The following ATXN10 variants were observed in gnomAD, a reference collection of about 807,000 sequenced individuals.
The protein encoded by ATXN10 is ataxin-10.
In ATXN10, 28 loss-of-function variants were observed where a neutral mutation model predicts 52.9. The observed-to-expected ratio is 0.53, with a 90% CI of 0.39 to 0.73. ATXN10 has a LOEUF of 0.73. Among genes scored for constraint, ATXN10 ranks in the 30% least tolerant of loss-of-function variants. The probability of loss-of-function intolerance (pLI) is 0.00; values close to 1 mark genes in which losing one functional copy is unlikely to be tolerated. For missense variants in ATXN10, 565 were observed against 577.0 expected (o/e 0.98, Z 0.21); for synonymous variants, 226 against 221.5 (o/e 1.02, Z -0.18).
In ATXN10 at chr22:45,844,449, A is replaced by G. The variant is rs1929445707; in HGVS notation, c.*778A>G. 6.6e-6 allele frequency: 1 copy of G among 152,156 alleles called. No individual in the cohort carries two copies. Among genetic ancestry groups the G allele is most frequent in the African/African-American group, 2.4e-5 (1 of 41,420 alleles). 9.4% of individuals were successfully genotyped at this position (152,156 alleles called of 1,614,324 possible). On this transcript the variant is annotated 3_prime_UTR_variant, in exon 12 of 12. Transcript: ENST00000252934. ...GTGCAGTGCCGTAGATTAAAGGTAC[A>G]TTTCTATCTTCTTTGATTTAAAAAG... is the stretch of plus-strand genomic sequence containing the variant.
intron 1 of ATXN10, among the ~76,000 whole-genome samples, chr22:45,686,327 A>G (rs940643365): frequency 6.6e-6 from 1 of 152,234 alleles, no homozygotes; most frequent in Non-Finnish European, 1.5e-5. Context: ...TCTGGGCCCT[A>G]GAGATACAGA....
At chr22:45,719,286 T>G (rs745695503) in intron 6 of ATXN10, among the ~76,000 whole-genome samples, 14 of 152,164 alleles carry the variant, frequency 9.2e-5, no homozygotes, top group Non-Finnish European at 2.1e-4. Context: ...AGTCACGAGT[T>G]TTAGTGGTTT....
rs1392292285 is a variant in ATXN10 at position 45,784,838 on chromosome 22, C to T, written c.1174-22121C>T. Among the ~76,000 whole-genome samples the T allele has an allele frequency of 6.6e-6, 1 of 152,132 alleles. No homozygotes were observed. Among genetic ancestry groups the T allele is most frequent in the East Asian group, 1.9e-4 (1 of 5,196 alleles). ...GCAAGCTGATCAACAGTTTCCAGGG[C>T]ATTATTTATTGATGGCAAGGAGCTT... On this transcript the variant is annotated intron_variant, in intron 9 of 11. Coordinates refer to ENST00000252934, the MANE Select transcript of ATXN10 (RefSeq NM_013236.4). This position sits in a 1 kb window ranked among gnomAD's most constrained non-coding sequence, Gnocchi z 4.2.
intron 3 of ATXN10, among the ~76,000 whole-genome samples, chr22:45,695,342 T>C (rs1923563597): frequency 1.3e-5 from 2 of 150,478 alleles, no homozygotes; most frequent in Admixed American, 1.3e-4. Flanking sequence ...AAAAAAAAAA[T>C]TGTCATTGTA....
intron 9 of ATXN10, among the ~76,000 whole-genome samples, chr22:45,785,735 TCTGTGGA>T (rs1927301617): frequency 6.6e-6 from 1 of 152,194 alleles, no homozygotes; most frequent in Non-Finnish European, 1.5e-5. Context: ...TACCTCTTGT[TCTGTGGA>T]AGTCTGAGGA....
Position 45,683,701 on chromosome 22 carries a change from A to G in ATXN10, c.117-6011A>G, listed in dbSNP as rs1457696091. ...ATTTTGTCTTCCATGTAATTCCTAA[A>G]TCCACCTGGAGTTACTTTTTGGGTA... On this transcript the variant is annotated intron_variant, in intron 1 of 11. Coordinates refer to ENST00000252934, the MANE Select transcript of ATXN10 (RefSeq NM_013236.4). This position sits in a 1 kb window ranked among gnomAD's most constrained non-coding sequence, Gnocchi z 4.8. Among the ~76,000 whole-genome samples the G allele has an allele frequency of 1.3e-5, 2 of 152,152 alleles. No individual in the cohort carries two copies. The highest frequency in any genetic ancestry group is 1.3e-4 in the Admixed American group (2 of 15,272).
chr22:45,782,801 G>A (rs1196852587), intron 9 of ATXN10, among the ~76,000 whole-genome samples: 1 of 152,154 alleles, frequency 6.6e-6, no homozygotes, highest in Non-Finnish European at 1.5e-5. Flanking sequence ...TCTTATCCAT[G>A]GGGGATATGT....
rs1018284540 is a variant in ATXN10, at chr22:45,727,832, T to C, written c.729-1593T>C. On this transcript the variant is annotated intron_variant, in intron 6 of 11. Transcript: ENST00000252934. This position sits in a 1 kb window ranked among gnomAD's most constrained non-coding sequence, Gnocchi z 4.6. ...TGTTGGATCGATCCTTTTATCATCA[T>C]ATAATGACCTTCTTTGTCTTTTTTT... is the stretch of plus-strand genomic sequence containing the variant. Among the ~76,000 whole-genome samples, 5 of 152,188 alleles carry C rather than the reference T, an allele frequency of 3.3e-5. No individual in the cohort carries two copies. Among genetic ancestry groups the C allele is most frequent in the Admixed American group, 2.6e-4 (4 of 15,284 alleles).
Position 45,819,746 on chromosome 22 carries a change from T to C in ATXN10, c.1237+12724T>C, listed in dbSNP as rs1363266430. On this transcript the variant is annotated intron_variant, in intron 10 of 11. Transcript: ENST00000252934. This position sits in a 1 kb window ranked among gnomAD's most constrained non-coding sequence, Gnocchi z 4.5. ...TGTATGTATTTTCTTATGAAGTTAA[T>C]TATTTGCCAATTTTTCTTTTTGCAT... Among the ~76,000 whole-genome samples the C allele has an allele frequency of 1.3e-5, 2 of 152,240 alleles. No individual in the cohort carries two copies. Among genetic ancestry groups the C allele is most frequent in the Non-Finnish European group, 1.5e-5 (1 of 68,044 alleles).
At chr22:45,695,349 T>C (rs1923564074) in intron 3 of ATXN10, among the ~76,000 whole-genome samples, 1 of 151,930 alleles carries the variant, frequency 6.6e-6, no homozygotes, top group South Asian at 2.1e-4. Context: ...AAATTGTCAT[T>C]GTAATAACGT....
In ATXN10 at chr22:45,696,838, G is replaced by A. The variant is rs1436450647; in HGVS notation, c.392-3444G>A. Among the ~76,000 whole-genome samples, 6 of 152,178 alleles carry A rather than the reference G, an allele frequency of 3.9e-5. No homozygotes were observed. The highest frequency in any genetic ancestry group is 3.2e-3 in the Middle Eastern group (1 of 316). On this transcript the variant is annotated intron_variant, in intron 3 of 11. Coordinates refer to ENST00000252934, the MANE Select transcript of ATXN10 (RefSeq NM_013236.4). The surrounding 1 kb of genome is among the most constrained non-coding windows in gnomAD (Gnocchi z 4.7). ...ATGACCTAAGAAAAAATTTAACGGA[G>A]CAGATATCTGAAACTACTTTTATGA...
At chr22:45,798,045 A>G (rs1927806158) in intron 9 of ATXN10, among the ~76,000 whole-genome samples, 1 of 152,268 alleles carries the variant, frequency 6.6e-6, no homozygotes, top group South Asian at 2.1e-4. Context: ...AAATGTTTCT[A>G]CAACAAAATC....
Position 45,757,349 on chromosome 22 carries a change from A to AC in ATXN10, c.1173+16813dup, listed in dbSNP as rs1162758917. 6.6e-6 allele frequency among the ~76,000 whole-genome samples: 1 copy of AC among 152,168 alleles called. No homozygotes were observed. Among genetic ancestry groups the AC allele is most frequent in the Non-Finnish European group, 1.5e-5 (1 of 68,016 alleles). ...AGAGCTTCAGTGTAACTGGAGCAAT[A>AC]CCAGCTGATTCTAACAGTGTGGCCC... is the stretch of plus-strand genomic sequence containing the variant. On this transcript the variant is annotated intron_variant, in intron 9 of 11. Transcript: ENST00000252934. The surrounding 1 kb of genome is among the most constrained non-coding windows in gnomAD (Gnocchi z 4.6).
rs1922936018 is a variant in ATXN10 at position 45,681,848 on chromosome 22, CCTCA to C, written c.117-7860_117-7857del. Among the ~76,000 whole-genome samples the C allele has an allele frequency of 6.6e-6, 1 of 152,174 alleles. No homozygotes were observed. The highest frequency in any genetic ancestry group is 2.1e-4 in the South Asian group (1 of 4,832). ...CAAACCTCCATCCCATCTCCCTCAT[CCTCA>C]CTCTCAGCTCTCTGAAAATAGGAGC... is the stretch of plus-strand genomic sequence containing the variant. On this transcript the variant is annotated intron_variant, in intron 1 of 11. Transcript: ENST00000252934. The surrounding 1 kb of genome is among the most constrained non-coding windows in gnomAD (Gnocchi z 4.2).
intron 9 of ATXN10, among the ~76,000 whole-genome samples, chr22:45,804,228 CA>C (rs1928025347): frequency 6.6e-6 from 1 of 152,094 alleles, no homozygotes; most frequent in Non-Finnish European, 1.5e-5. Context: ...TCAGTGACCA[CA>C]GGAAGGGGAC....
chr22:45,822,128 G>C (rs1928669514), intron 10 of ATXN10, among the ~76,000 whole-genome samples: 1 of 152,178 alleles, frequency 6.6e-6, no homozygotes, highest in Non-Finnish European at 1.5e-5. Flanking sequence ...TCATGACTCT[G>C]AGATTCACCA....
intron 9 of ATXN10, among the ~76,000 whole-genome samples, chr22:45,804,159 G>A (rs897762133): frequency 1.3e-5 from 2 of 152,178 alleles, no homozygotes; most frequent in African/African-American, 4.8e-5. Flanking sequence ...TCCCTTCAGT[G>A]TCTGTTCCTA....
intron 5 of ATXN10, among the ~76,000 whole-genome samples, chr22:45,717,402 A>C (rs1924487804): frequency 6.6e-6 from 1 of 152,160 alleles, no homozygotes; most frequent in African/African-American, 2.4e-5. Flanking sequence ...ATTATGAATG[A>C]GCTTTAAGAT....
chr22:45,678,315 A>G lies in ATXN10; in HGVS notation c.116+6136A>G, dbSNP rs1316024475. The G allele has an allele frequency of 6.6e-6, 1 of 152,196 alleles. No homozygotes were observed. The highest frequency in any genetic ancestry group is 1.5e-5 in the Non-Finnish European group (1 of 68,042). 9.4% of individuals were successfully genotyped at this position (152,196 alleles called of 1,614,324 possible). A position where few individuals can be genotyped will look rare whatever the true frequency, so the allele number is the denominator to read the frequency against. On this transcript the variant is annotated intron_variant, in intron 1 of 11. Transcript: ENST00000252934. This position sits in a 1 kb window ranked among gnomAD's most constrained non-coding sequence, Gnocchi z 4.1. ...TTTAATTGTACGCTTTAAGTGGGTGACTTTAGTGTGCCACGTGAACCCTAT... is the reference window on the plus strand; with the variant it reads ...TTTAATTGTACGCTTTAAGTGGGTGGCTTTAGTGTGCCACGTGAACCCTAT...
Sources: gnomAD v4.1 joint callset for allele counts (sites outside exome capture counted in the v4.1 genomes callset) on GRCh38, gnomAD v4.1.1 for gene constraint, Gnocchi (gnomAD v3.1) non-coding constraint, MANE v1.5 for transcripts, NCBI Gene and HGNC (gene_info 2026-07-23, HGNC 2026-07-21) for gene names.